Variants in FAM163B observed in about 807,000 individuals in gnomAD.
FAM163B encodes family with sequence similarity 163 member B.
FAM163B carries 4 observed loss-of-function variants against 7.6 expected under a neutral mutation model. The observed-to-expected ratio is 0.52, with a 90% CI of 0.26 to 1.20. The LOEUF (loss-of-function observed/expected upper bound fraction) is 1.20, where lower values mean the gene tolerates loss of function less well. Among genes scored for constraint, FAM163B ranks in the 50% most tolerant of loss-of-function variants. The probability of loss-of-function intolerance (pLI) is 0.14; values close to 1 mark genes in which losing one functional copy is unlikely to be tolerated. For synonymous variants in FAM163B, 120 were observed against 111.6 expected, an observed-to-expected ratio of 1.07 and a Z score of -0.47; for missense variants, 250 against 243.0, an observed-to-expected ratio of 1.03 and a Z score of -0.19.
rs1831790014 is a variant in FAM163B at position 133,606,401 on chromosome 9, G to T, written c.-24+2676C>A. ...GCAGATCCAGAAAGACTGAGACACT[G>T]CAAGAAGTACCAGTGCCAAGTGTGG... On this transcript the variant is annotated intron_variant, in intron 1 of 2. Coordinates refer to ENST00000673969, the MANE Select transcript of FAM163B (RefSeq NM_001080515.3). This position sits in a 1 kb window ranked among gnomAD's most constrained non-coding sequence, Gnocchi z 4.0. 6.6e-6 allele frequency among the ~76,000 whole-genome samples: 1 copy of T among 152,224 alleles called. No individual in the cohort carries two copies. Among genetic ancestry groups the T allele is most frequent in the Admixed American group, 6.5e-5 (1 of 15,286 alleles).
chr9:133,596,149 G>T (rs567262135), intron 1 of FAM163B, among the ~76,000 whole-genome samples: 238 of 152,158 alleles, frequency 1.6e-3, no homozygotes, highest in African/African-American at 5.0e-3. Flanking sequence ...GGGATGGGGG[G>T]ATGAGTGGGA....
At chr9:133,585,504 G>A (rs1041689221) in intron 1 of FAM163B, among the ~76,000 whole-genome samples, 8 of 152,236 alleles carry the variant, frequency 5.3e-5, no homozygotes, top group Admixed American at 1.3e-4. Flanking sequence ...ATGGTACAGG[G>A]CCCAGGCGAC....
chr9:133,588,697 C>CTAATGTGT (rs1588326121), intron 1 of FAM163B, among the ~76,000 whole-genome samples: 9 of 11,028 alleles, frequency 8.2e-4, no homozygotes, highest in South Asian at 2.6e-3. Flanking sequence ...ATCTAGCATG[C>CTAATGTGT]TGAGGGATCT....
intron 1 of FAM163B, among the ~76,000 whole-genome samples, chr9:133,596,403 G>A (rs1243162463): frequency 6.6e-6 from 1 of 151,960 alleles, no homozygotes; most frequent in African/African-American, 2.4e-5. Flanking sequence ...CATAACTGGT[G>A]GGCGGGGGCG....
At chr9:133,602,033 T>G (rs542745207) in intron 1 of FAM163B, among the ~76,000 whole-genome samples, 1 of 152,212 alleles carries the variant, frequency 6.6e-6, no homozygotes, top group Non-Finnish European at 1.5e-5. Context: ...CTGGGTTCTA[T>G]CCTCAGCTGG....
chr9:133,585,914 G>A (rs1344470896), intron 1 of FAM163B: 1 of 152,238 alleles, frequency 6.6e-6, no homozygotes, highest in Admixed American at 6.5e-5. Flanking sequence ...AGGGCTTATG[G>A]AGACTCAGAG....
chr9:133,592,659 T>C (rs1831571945), intron 1 of FAM163B, among the ~76,000 whole-genome samples: 1 of 152,188 alleles, frequency 6.6e-6, no homozygotes, highest in Admixed American at 6.5e-5. Flanking sequence ...CCTGCAGCCT[T>C]GCAGATAACT....
At position 133,579,434 on chromosome 9, in the gene FAM163B, G is replaced by C; in HGVS notation, c.94-5C>G. The stretch of plus-strand genomic sequence containing the variant: ...GTCCTTCTTGCAGCAGTAGTACTGC[G>C]GGCAGAGGGACGGTGACCATGCGGC... On this transcript the variant is annotated splice_polypyrimidine_tract_variant and splice_region_variant and intron_variant, in intron 2 of 2. Transcript: ENST00000673969. The C allele has an allele frequency of 6.3e-7, 1 of 1,587,730 alleles. No homozygotes were observed. The highest frequency in any genetic ancestry group is 8.6e-7 in the Non-Finnish European group (1 of 1,167,494).
chr9:133,586,697 G>A (rs1234879393), intron 1 of FAM163B, among the ~76,000 whole-genome samples: 3 of 152,296 alleles, frequency 2.0e-5, no homozygotes, highest in South Asian at 4.1e-4. Context: ...TGCTCTTAAA[G>A]AATGGAAGCT....
At position 133,606,063 on chromosome 9, in the gene FAM163B, T is replaced by G. The variant is rs1035254845; in HGVS notation, c.-24+3014A>C. Among the ~76,000 whole-genome samples, 2 of 152,168 alleles carry G rather than the reference T, an allele frequency of 1.3e-5. No homozygotes were observed. Among genetic ancestry groups the G allele is most frequent in the African/African-American group, 4.8e-5 (2 of 41,442 alleles). On this transcript the variant is annotated intron_variant, in intron 1 of 2. Coordinates refer to ENST00000673969, the MANE Select transcript of FAM163B (RefSeq NM_001080515.3). The surrounding 1 kb of genome is among the most constrained non-coding windows in gnomAD (Gnocchi z 4.0). ...AACCACTGAGCAGGGCTTACAAGCC[T>G]GGCGGAACCGGACCCCACCTGACTC...
At chr9:133,602,083 C>A (rs767769092) in intron 1 of FAM163B, among the ~76,000 whole-genome samples, 2 of 151,988 alleles carry the variant, frequency 1.3e-5, no homozygotes, top group African/African-American at 4.8e-5. Context: ...CCCCCCGCCC[C>A]CCCAAACACA....
intron 1 of FAM163B, among the ~76,000 whole-genome samples, chr9:133,597,609 T>C: frequency 6.6e-6 from 1 of 152,022 alleles, no homozygotes; most frequent in East Asian, 1.9e-4. Context: ...TTGGATGATA[T>C]TATAAACCCA....
rs926182348 is a variant in FAM163B, at chr9:133,578,680, T to A, written c.*342A>T. On this transcript the variant is annotated 3_prime_UTR_variant, in exon 3 of 3. Coordinates refer to ENST00000673969, the MANE Select transcript of FAM163B (RefSeq NM_001080515.3). ...AGGGAGGGGGTGACACATGGAGACC[T>A]CCTGGGAAGGCCAGGTTGTTGGGTC... The A allele has an allele frequency of 1.6e-4, 47 of 293,730 alleles. No individual in the cohort carries two copies. The highest frequency in any genetic ancestry group is 9.5e-4 in the Middle Eastern group (1 of 1,054). 18.2% of individuals were successfully genotyped at this position (293,730 alleles called of 1,614,324 possible).
chr9:133,590,699 A>G (rs1831539790), intron 1 of FAM163B, among the ~76,000 whole-genome samples: 1 of 152,016 alleles, frequency 6.6e-6, no homozygotes, highest in South Asian at 2.1e-4. Context: ...GTCCCAGGAG[A>G]GCCCCGAGAG....
At chr9:133,580,755 T>C (rs1173799534) in intron 1 of FAM163B, among the ~76,000 whole-genome samples, 1 of 152,212 alleles carries the variant, frequency 6.6e-6, no homozygotes, top group African/African-American at 2.4e-5. Flanking sequence ...TGTAACTGAC[T>C]CCTTTTCTTT....
At position 133,579,021 on chromosome 9, in the gene FAM163B, G is replaced by C. The variant is rs1004732995; in HGVS notation, c.*1C>G. 1.3e-6 allele frequency: 2 copies of C among 1,520,672 alleles called. No individual in the cohort carries two copies. The highest frequency in any genetic ancestry group is 2.8e-5 in the African/African-American group (2 of 72,424). 94.2% of individuals were successfully genotyped at this position (1,520,672 alleles called of 1,614,324 possible). A position where few individuals can be genotyped will look rare whatever the true frequency, so the allele number is the denominator to read the frequency against. ...GCCAGGATCCCGGGGGCGGGCCCAGGTCACACGTCGGTGCTGATGCTGCGG... is the reference window on the plus strand; with the variant it reads ...GCCAGGATCCCGGGGGCGGGCCCAGCTCACACGTCGGTGCTGATGCTGCGG... On this transcript the variant is annotated 3_prime_UTR_variant, in exon 3 of 3. Coordinates refer to ENST00000673969, the MANE Select transcript of FAM163B (RefSeq NM_001080515.3).
chr9:133,605,717 C>T (rs767021052), intron 1 of FAM163B, among the ~76,000 whole-genome samples: 3 of 152,164 alleles, frequency 2.0e-5, no homozygotes, highest in African/African-American at 7.2e-5. Flanking sequence ...TCACTGCCTA[C>T]GTGCGGCCCA....
Position 133,606,624 on chromosome 9 carries a change from GA to G in FAM163B, c.-24+2452del, listed in dbSNP as rs1256575225. Among the ~76,000 whole-genome samples the G allele has an allele frequency of 6.6e-6, 1 of 152,222 alleles. No homozygotes were observed. The highest frequency in any genetic ancestry group is 1.5e-5 in the Non-Finnish European group (1 of 68,040). ...AATGATGCACCCGTGGTCTGGCCTG[GA>G]AACCACTCTCTCTGCCACACAAATT... On this transcript the variant is annotated intron_variant, in intron 1 of 2. Transcript: ENST00000673969. This position sits in a 1 kb window ranked among gnomAD's most constrained non-coding sequence, Gnocchi z 4.0.
In FAM163B at chr9:133,579,112, G is replaced by C. The variant is rs11507480; in HGVS notation, c.411C>G (p.Gly137=). The C allele has an allele frequency of 6.2e-7, 1 of 1,606,284 alleles. No homozygotes were observed. Among genetic ancestry groups the C allele is most frequent in the Non-Finnish European group, 8.5e-7 (1 of 1,178,930 alleles). Reference sequence around the variant, plus strand: ...GGTTGAGCGCCTGCAGGCCCCCGAAGCCCCCCGGGGGCAGCTCCACGTCCT... The same window carrying C: ...GGTTGAGCGCCTGCAGGCCCCCGAACCCCCCCGGGGGCAGCTCCACGTCCT... ...SQEDVELPPG[G]FGGLQALNPN... The change falls in exon 3 of 3, where the codon GGC becomes GGG. Residue 137 remains glycine, a synonymous_variant. Coordinates refer to ENST00000673969, the MANE Select transcript of FAM163B (RefSeq NM_001080515.3).
Sources: allele counts gnomAD v4.1 joint callset (sites outside exome capture counted in the v4.1 genomes callset), GRCh38; gene constraint gnomAD v4.1.1; non-coding constraint Gnocchi (gnomAD v3.1); transcripts MANE v1.5; gene names NCBI Gene and HGNC (gene_info 2026-07-23, HGNC 2026-07-21).